The following PDE1C variants were observed in gnomAD, a reference collection of about 807,000 sequenced individuals.
PDE1C encodes the protein dual specificity calcium/calmodulin-dependent 3',5'-cyclic nucleotide phosphodiesterase 1C.
PDE1C carries 62 observed loss-of-function variants against 93.1 expected under a neutral mutation model. The observed-to-expected ratio is 0.67, with a 90% CI of 0.54 to 0.82. PDE1C has a LOEUF of 0.82. Among genes scored for constraint, PDE1C ranks in the 40% least tolerant of loss-of-function variants. The probability of loss-of-function intolerance (pLI) is 0.00; values close to 1 mark genes in which losing one functional copy is unlikely to be tolerated. For missense variants in PDE1C, 742 were observed against 884.6 expected (o/e 0.84, Z 2.04); for synonymous variants, 325 against 310.1 (o/e 1.05, Z -0.50).
At chr7:32,374,119 G>GGAAAGAAGGAGA (rs1554313913) in intron 1 of PDE1C, among the ~76,000 whole-genome samples, 1 of 125,674 alleles carries the variant, frequency 8.0e-6, no homozygotes, top group Admixed American at 8.8e-5. Context: ...AAGGAAGGAA[G>GGAAAGAAGGAGA]GAGAGAGAGA....
intron 2 of PDE1C, among the ~76,000 whole-genome samples, chr7:31,999,390 C>T (rs73686875): frequency 0.099 from 15,073 of 152,204 alleles, 807 homozygotes; most frequent in Middle Eastern, 0.13. Flanking sequence ...CTGACACACA[C>T]TATTACAACT....
At chr7:32,410,695 T>G (rs1785151732) in intron 1 of PDE1C, among the ~76,000 whole-genome samples, 1 of 152,146 alleles carries the variant, frequency 6.6e-6, no homozygotes, top group African/African-American at 2.4e-5. Context: ...AAGAGAGAGC[T>G]GAGAGCATTT....
intron 3 of PDE1C, among the ~76,000 whole-genome samples, chr7:32,109,004 C>A (rs1479007231): frequency 2.0e-5 from 3 of 152,002 alleles, no homozygotes; most frequent in African/African-American, 7.2e-5. Flanking sequence ...GGACCTTTGG[C>A]CAAAAGAACA....
intron 1 of PDE1C, among the ~76,000 whole-genome samples, chr7:32,393,664 G>T (rs967417504): frequency 1.3e-5 from 2 of 152,214 alleles, no homozygotes; most frequent in South Asian, 2.1e-4. Flanking sequence ...GCCTAAAATA[G>T]CTGGCATTTT....
intron 1 of PDE1C, among the ~76,000 whole-genome samples, chr7:32,334,354 T>C (rs929423179): frequency 6.6e-6 from 1 of 152,344 alleles, no homozygotes; most frequent in African/African-American, 2.4e-5. Context: ...TCCACATTTT[T>C]GATTAGAAAA....
chr7:32,234,325 C>A (rs2128864617), intron 1 of PDE1C, among the ~76,000 whole-genome samples: 1 of 152,028 alleles, frequency 6.6e-6, no homozygotes, highest in East Asian at 1.9e-4. Context: ...CAACCTGATT[C>A]TTTAAAAAGA....
intron 17 of PDE1C, among the ~76,000 whole-genome samples, chr7:31,770,514 A>AT (rs777001284): frequency 1.2e-4 from 18 of 150,004 alleles, no homozygotes; most frequent in Admixed American, 9.9e-4. Context: ...TTTTTATTTT[A>AT]TTTTTTTTCT....
At chr7:31,682,018 G>A in the PDE1C span, among the ~76,000 whole-genome samples, 5 of 152,204 alleles carry the variant, frequency 3.3e-5, no homozygotes, top group Non-Finnish European at 7.3e-5. Context: ...GAGCATGAAT[G>A]CTGGAGTCAG....
At chr7:31,876,417 G>T (rs752707151) in intron 5 of PDE1C, among the ~76,000 whole-genome samples, 1 of 152,128 alleles carries the variant, frequency 6.6e-6, no homozygotes, top group Non-Finnish European at 1.5e-5. Flanking sequence ...GCACATCACA[G>T]TTTGTTCCAA....
intron 17 of PDE1C, among the ~76,000 whole-genome samples, chr7:31,756,316 T>C (rs1040639487): frequency 2.0e-5 from 3 of 152,030 alleles, no homozygotes; most frequent in Non-Finnish European, 4.4e-5. Flanking sequence ...ACTTCTGGAG[T>C]CTTCCTCCCA....
At chr7:31,685,647 A>G in the PDE1C span, among the ~76,000 whole-genome samples, 1 of 152,218 alleles carries the variant, frequency 6.6e-6, no homozygotes, top group Non-Finnish European at 1.5e-5. Flanking sequence ...CCAGCAAACC[A>G]CCATGGCACA....
chr7:32,269,017 C>T (rs1810790007), intron 1 of PDE1C, among the ~76,000 whole-genome samples: 1 of 152,172 alleles, frequency 6.6e-6, no homozygotes, highest in Non-Finnish European at 1.5e-5. Flanking sequence ...AGGCAGTGAG[C>T]TATAAAACTC....
At chr7:31,836,905 C>A (rs569140046) in intron 11 of PDE1C, among the ~76,000 whole-genome samples, 2 of 151,986 alleles carry the variant, frequency 1.3e-5, no homozygotes, top group African/African-American at 4.8e-5. Flanking sequence ...AAAAGAACCC[C>A]TCAAATGACA....
chr7:31,858,156 G>A (rs1383252946), intron 7 of PDE1C, among the ~76,000 whole-genome samples: 2 of 152,130 alleles, frequency 1.3e-5, no homozygotes, highest in East Asian at 3.9e-4. Flanking sequence ...AACAGACAGG[G>A]AGAAATAAAT....
At chr7:31,651,767 GTT>G in the PDE1C span, among the ~76,000 whole-genome samples, 134 of 147,844 alleles carry the variant, frequency 9.1e-4, 1 homozygote, top group East Asian at 0.01. Context: ...CAATAAAGTT[GTT>G]TTTTTTTTTT....
At chr7:31,620,982 C>T in the PDE1C span, among the ~76,000 whole-genome samples, 11,295 of 151,346 alleles carry the variant, frequency 0.075, 765 homozygotes, top group African/African-American at 0.18. Context: ...GGAGCCAATG[C>T]GATCAACTGG....
intron 1 of PDE1C, among the ~76,000 whole-genome samples, chr7:32,400,487 A>G (rs1266469204): frequency 2.0e-5 from 3 of 152,226 alleles, no homozygotes; most frequent in African/African-American, 7.2e-5. Context: ...GGCTGTTAAG[A>G]GTTACAATGC....
chr7:31,901,135 CAA>C (rs57467525), intron 2 of PDE1C, among the ~76,000 whole-genome samples: 5,917 of 128,654 alleles, frequency 0.046, 109 homozygotes, highest in South Asian at 0.077. Context: ...GCATTATTTA[CAA>C]AAAAAAAAAA....
At chr7:31,832,719 C>T (rs950801407) in intron 11 of PDE1C, among the ~76,000 whole-genome samples, 2 of 152,140 alleles carry the variant, frequency 1.3e-5, no homozygotes, top group South Asian at 2.1e-4. Flanking sequence ...AATGAGTTAA[C>T]AGTCCCTTCC....
Sources: gnomAD v4.1 joint callset for allele counts (sites outside exome capture counted in the v4.1 genomes callset) on GRCh38, gnomAD v4.1.1 for gene constraint, MANE v1.5 for transcripts, NCBI Gene and HGNC (gene_info 2026-07-23, HGNC 2026-07-21) for gene names.